Variants in THEMIS2 observed in about 807,000 individuals in gnomAD.
THEMIS2 encodes thymocyte selection associated family member 2, also known as protein THEMIS2.
A neutral mutation model predicts 46.8 loss-of-function variants in THEMIS2; 29 were observed. The observed-to-expected ratio is 0.62, with a 90% CI of 0.46 to 0.84. The LOEUF (loss-of-function observed/expected upper bound fraction) is 0.84. Among genes scored for constraint, THEMIS2 ranks in the 40% least tolerant of loss-of-function variants. THEMIS2 has a pLI of 0.00. For synonymous variants in THEMIS2, 335 were observed against 349.1 expected, an observed-to-expected ratio of 0.96 and a Z score of 0.45; for missense variants, 698 against 834.7, an observed-to-expected ratio of 0.84 and a Z score of 2.02.
chr1:27,883,113 C>A, intron 4 of THEMIS2, 70 bp downstream of exon 4: 1 of 1,340,090 alleles, frequency 7.5e-7, no homozygotes, highest in Non-Finnish European at 1.0e-6. Context: ...TCATGTCTGC[C>A]TGTCATGTTT....
intron 4 of THEMIS2, chr1:27,883,381 G>A (rs2089718874): frequency 8.1e-6 from 2 of 246,508 alleles, no homozygotes; most frequent in Admixed American, 4.9e-5. Flanking sequence ...TCCCTAGTTC[G>A]AGCCTCATCA....
At chr1:27,879,353 G>A (rs911626376) in intron 2 of THEMIS2, among the ~76,000 whole-genome samples, 1 of 152,086 alleles carries the variant, frequency 6.6e-6, no homozygotes, top group South Asian at 2.1e-4. Context: ...TGGAAGTCTA[G>A]TGTGTCTGTC....
rs746675739 is a variant in THEMIS2, at chr1:27,879,675, C to A, written c.267C>A (p.Ser89Arg). 6.2e-7 allele frequency: 1 copy of A among 1,610,514 alleles called. No homozygotes were observed. The highest frequency in any genetic ancestry group is 1.1e-5 in the South Asian group (1 of 90,694). The change falls in exon 3 of 6, where the codon AGC (serine) becomes AGA (arginine). Residue 89 changes from serine (S) to arginine (R), a missense_variant. Ser to Arg is a moderately radical substitution (Grantham distance 110). Coordinates refer to ENST00000373921, the MANE Select transcript of THEMIS2 (RefSeq NM_001105556.3). ...GYFTPLNTPQSYETLEELVSA... is the reference protein window; with the variant it reads ...GYFTPLNTPQRYETLEELVSA... ...TCACCCCCCTCAACACCCCACAGAG[C>A]TATGAAACCCTGGAGGAGCTGGTCT... is the stretch of plus-strand genomic sequence containing the variant.
chr1:27,883,068 C>T (rs774232853), intron 4 of THEMIS2, 25 bp downstream of exon 4: 18 of 1,579,820 alleles, frequency 1.1e-5, no homozygotes, highest in Admixed American at 1.7e-5. Context: ...CCAGAGGGCA[C>T]GGAGGGGTCA....
chr1:27,876,114 C>T (rs1220759079), intron 1 of THEMIS2, among the ~76,000 whole-genome samples: 3 of 151,474 alleles, frequency 2.0e-5, no homozygotes, highest in African/African-American at 4.9e-5. Context: ...GCCCTGGCTC[C>T]GGGTGATCTC....
Position 27,882,042 on chromosome 1 carries a change from CACGTCCACTTTATCAA to C in THEMIS2, c.721_736del (p.Val241ArgfsTer4). 9 of 1,614,190 alleles carry C rather than the reference CACGTCCACTTTATCAA, an allele frequency of 5.6e-6. No individual in the cohort carries two copies. The highest frequency in any genetic ancestry group is 7.6e-6 in the Non-Finnish European group (9 of 1,180,034). ...GGAGGACGTCACCGCCTCCTCCCGGCACGTCCACTTTATCAAACCGCTGCTGCTGAGCGAGGTCCTG... is the reference window on the plus strand; with the variant it reads ...GGAGGACGTCACCGCCTCCTCCCGGCACCGCTGCTGCTGAGCGAGGTCCTG... On this transcript the variant is annotated frameshift_variant, in exon 4 of 6. Transcript: ENST00000373921. LOFTEE classifies it high-confidence loss of function. The surrounding 1 kb of genome is among the most constrained non-coding windows in gnomAD (Gnocchi z 7.6).
chr1:27,880,108 C>G, intron 3 of THEMIS2, 54 bp downstream of exon 3: 1 of 1,517,214 alleles, frequency 6.6e-7, no homozygotes, highest in Non-Finnish European at 8.9e-7. Flanking sequence ...AAGAGGGTTG[C>G]CCCTGGGAGC....
rs977665228 is a variant in THEMIS2, at chr1:27,886,296, T to C, written c.*374T>C. ...AGCGCAGTGCCAATGCTGATCACAC[T>C]GCATGGGAGATTTTGTTAACGTCTG... On this transcript the variant is annotated 3_prime_UTR_variant, in exon 6 of 6. Transcript: ENST00000373921. The C allele has an allele frequency of 8.1e-6, 2 of 247,668 alleles. No individual in the cohort carries two copies. The highest frequency in any genetic ancestry group is 1.4e-3 in the Middle Eastern group (1 of 704). 15.3% of individuals were successfully genotyped at this position (247,668 alleles called of 1,614,324 possible).
At chr1:27,880,128 G>A in intron 3 of THEMIS2, 74 bp downstream of exon 3, 1 of 1,467,786 alleles carries the variant, frequency 6.8e-7, no homozygotes, top group Admixed American at 2.3e-5. Context: ...CTGCTCTGAT[G>A]GAAGACACCC....
At position 27,880,074 on chromosome 1, in the gene THEMIS2, G is replaced by A. The variant is rs2089654032; in HGVS notation, c.646+20G>A. Reference sequence around the variant, plus strand: ...TGCACAGTGAGTTGCCTGGGCAGATGGATGCGCGCTGCTGGGGGAGAGAAA... The same window carrying A: ...TGCACAGTGAGTTGCCTGGGCAGATAGATGCGCGCTGCTGGGGGAGAGAAA... On this transcript the variant is annotated intron_variant, in intron 3 of 5. Coordinates refer to ENST00000373921, the MANE Select transcript of THEMIS2 (RefSeq NM_001105556.3). 6.4e-7 allele frequency: 1 copy of A among 1,571,964 alleles called. No homozygotes were observed. The highest frequency in any genetic ancestry group is 2.3e-5 in the East Asian group (1 of 43,942).
intron 1 of THEMIS2, among the ~76,000 whole-genome samples, chr1:27,873,286 GCA>G (rs1052140544): frequency 3.3e-5 from 5 of 152,204 alleles, no homozygotes; most frequent in Admixed American, 3.3e-4. Flanking sequence ...CACAGCAGGC[GCA>G]CAGTCACTAG....
chr1:27,883,624 CGAGA>C (rs1383422626), intron 4 of THEMIS2: 1 of 152,426 alleles, frequency 6.6e-6, no homozygotes, highest in African/African-American at 2.4e-5. Flanking sequence ...CACGCTCCAG[CGAGA>C]GAAATGCCCG....
At chr1:27,875,708 A>AT (rs1000769707) in intron 1 of THEMIS2, among the ~76,000 whole-genome samples, 179 of 145,586 alleles carry the variant, frequency 1.2e-3, no homozygotes, top group African/African-American at 4.4e-3. Context: ...TTTATTTATT[A>AT]TTTTTTTTTT....
At chr1:27,883,403 A>C in intron 4 of THEMIS2, 1 of 209,774 alleles carries the variant, frequency 4.8e-6, no homozygotes, top group Non-Finnish European at 9.7e-6. Context: ...TTTTCTCCTA[A>C]ACTACTTCAG....
chr1:27,882,706 A>G lies in THEMIS2; in HGVS notation c.1382A>G (p.Asp461Gly). ...TGTGAGGTCAAGGTGGTGGCCAAGG[A>G]CACCAGCCACCCCACTGACCCTCTG... Reference protein sequence around the residue: ...LPCEVKVVAKDTSHPTDPLTS... With the variant: ...LPCEVKVVAKGTSHPTDPLTS... The change falls in exon 4 of 6, where the codon GAC (aspartate) becomes GGC (glycine). Residue 461 changes from aspartate (D) to glycine (G), a missense_variant. Asp to Gly is a moderately conservative substitution (Grantham distance 94). Coordinates refer to ENST00000373921, the MANE Select transcript of THEMIS2 (RefSeq NM_001105556.3). This position sits in a 1 kb window ranked among gnomAD's most constrained non-coding sequence, Gnocchi z 7.6. The G allele has an allele frequency of 6.2e-7, 1 of 1,613,780 alleles. No individual in the cohort carries two copies. The highest frequency in any genetic ancestry group is 1.3e-5 in the African/African-American group (1 of 74,878).
intron 3 of THEMIS2, 47 bp from the exon 4 acceptor site, chr1:27,881,924 C>A: frequency 6.7e-7 from 1 of 1,492,638 alleles, no homozygotes; most frequent in Non-Finnish European, 9.1e-7. Context: ...GGGTGGGGGC[C>A]ACTCCTGGGG....
In THEMIS2 at chr1:27,872,607, CT is replaced by C; in HGVS notation, c.38del (p.Leu13TrpfsTer37). On this transcript the variant is annotated frameshift_variant, in exon 1 of 6. Transcript: ENST00000373921. LOFTEE classifies it high-confidence loss of function. This position sits in a 1 kb window ranked among gnomAD's most constrained non-coding sequence, Gnocchi z 4.9. ...PVPLQDFVRALDPASLPRVLR... is the reference protein window; with the variant it reads ...PVPLQDFVRAXDPASLPRVLR... ...TGCCGCTGCAGGACTTCGTGCGCGC[CT>C]TGGACCCCGCCTCCCTCCCGCGCGT... 6.7e-7 allele frequency: 1 copy of C among 1,484,896 alleles called. No homozygotes were observed. The highest frequency in any genetic ancestry group is 1.4e-5 in the African/African-American group (1 of 69,228). The allele number at this position is 1,484,896 out of a possible 1,614,324, so 92.0% of individuals were successfully genotyped here. A position where few individuals can be genotyped will look rare whatever the true frequency, so the allele number is the denominator to read the frequency against.
intron 1 of THEMIS2, among the ~76,000 whole-genome samples, 156 bp from the exon 2 acceptor site, chr1:27,876,432 C>A (rs139282726): frequency 1.1e-3 from 172 of 152,248 alleles, no homozygotes; most frequent in African/African-American, 3.9e-3. Context: ...ACGACTGAAC[C>A]TGTGGGCATG....
Position 27,880,148 on chromosome 1 carries a change from C to CT in THEMIS2, c.646+94_646+95insT, listed in dbSNP as rs960791906. On this transcript the variant is annotated intron_variant, in intron 3 of 5. Coordinates refer to ENST00000373921, the MANE Select transcript of THEMIS2 (RefSeq NM_001105556.3). ...CTGATGGAAGACACCCCCACCCCATCCCTGAGGATCAGCTGGAACTTCAGG... is the reference window on the plus strand; with the variant it reads ...CTGATGGAAGACACCCCCACCCCATCTCCTGAGGATCAGCTGGAACTTCAGG... 8.1e-6 allele frequency: 11 copies of CT among 1,365,938 alleles called. 1 individual carries two copies. Among genetic ancestry groups the CT allele is most frequent in the Admixed American group, 5.4e-5 (2 of 36,874 alleles). The allele number at this position is 1,365,938 out of a possible 1,614,324, so 84.6% of individuals were successfully genotyped here.
Sources: gnomAD v4.1 joint callset for allele counts (sites outside exome capture counted in the v4.1 genomes callset) on GRCh38, gnomAD v4.1.1 for gene constraint, Gnocchi (gnomAD v3.1) non-coding constraint, MANE v1.5 for transcripts, NCBI Gene and HGNC (gene_info 2026-07-23, HGNC 2026-07-21) for gene names.